Variants in PNOC observed in about 807,000 individuals in gnomAD.
PNOC encodes prepronociceptin.
In PNOC, 10 loss-of-function variants were observed where a neutral mutation model predicts 15.6. The observed-to-expected ratio is 0.64, with a 90% CI of 0.40 to 1.09. The LOEUF is 1.09. Among genes scored for constraint, PNOC ranks in the 50% least tolerant of loss-of-function variants. The pLI is 0.01. For missense variants in PNOC, 220 were observed against 223.9 expected (o/e 0.98, Z 0.11); for synonymous variants, 98 against 88.5 (o/e 1.11, Z -0.60).
At chr8:28,327,046 A>G in intron 1 of PNOC, among the ~76,000 whole-genome samples, 1 of 152,222 alleles carries the variant, frequency 6.6e-6, no homozygotes, top group East Asian at 1.9e-4. Flanking sequence ...TTGGTTTTCT[A>G]CACTGAACTC....
Position 28,330,192 on chromosome 8 carries a change from C to T in PNOC, c.126+909C>T, listed in dbSNP as rs1000514750. Among the ~76,000 whole-genome samples, 33 of 151,828 alleles carry T rather than the reference C, an allele frequency of 2.2e-4. 1 individual carries two copies. The highest frequency in any genetic ancestry group is 1.4e-3 in the Admixed American group (21 of 15,238). On this transcript the variant is annotated intron_variant, in intron 2 of 3. Coordinates refer to ENST00000301908, the MANE Select transcript of PNOC (RefSeq NM_006228.5). ...AACCCCTGACCTCAAGTGATCCACC[C>T]ACCTCATCCTCCCAAAGTGCTGGGA... is the stretch of plus-strand genomic sequence containing the variant.
chr8:28,327,695 T>C (rs1484851921), intron 1 of PNOC, among the ~76,000 whole-genome samples: 5 of 152,096 alleles, frequency 3.3e-5, no homozygotes, highest in Non-Finnish European at 5.9e-5. Flanking sequence ...TTTGTATTTT[T>C]AGTAGAGATG....
chr8:28,320,055 T>C (rs1384975130), intron 1 of PNOC, among the ~76,000 whole-genome samples: 1 of 146,166 alleles, frequency 6.8e-6, no homozygotes, highest in African/African-American at 2.5e-5. Context: ...CACGATCCTG[T>C]GGGGTTTTTT....
intron 1 of PNOC, 117 bp from the exon 2 acceptor site, chr8:28,329,018 C>A: frequency 9.7e-7 from 1 of 1,033,306 alleles, no homozygotes; most frequent in Non-Finnish European, 1.4e-6. Flanking sequence ...CCCCTAGTGC[C>A]ATCCTGCCAG....
chr8:28,332,905 C>T (rs893412951), intron 2 of PNOC, among the ~76,000 whole-genome samples: 5 of 152,326 alleles, frequency 3.3e-5, no homozygotes, highest in African/African-American at 1.2e-4. Context: ...GAGCTGAGAT[C>T]ATGCTACTGC....
At chr8:28,321,303 T>C (rs1801148823) in intron 1 of PNOC, among the ~76,000 whole-genome samples, 1 of 149,416 alleles carries the variant, frequency 6.7e-6, no homozygotes, top group Non-Finnish European at 1.5e-5. Flanking sequence ...GTTGCTGGGA[T>C]TGCAGTTGCA....
In PNOC at chr8:28,342,470, G is replaced by C. The variant is rs545133044; in HGVS notation, c.*48-472G>C. 1.1e-4 allele frequency among the ~76,000 whole-genome samples: 17 copies of C among 152,132 alleles called. No homozygotes were observed. The East Asian group carries it at 3.3e-3, about 29-fold the overall frequency. On this transcript the variant is annotated intron_variant, in intron 3 of 3. Transcript: ENST00000301908. ...ACAGAACTTGTCACAGCTGGTCTTAGGGTTCTGCCTTCCTTTCCCCTGACC... is the reference window on the plus strand; with the variant it reads ...ACAGAACTTGTCACAGCTGGTCTTACGGTTCTGCCTTCCTTTCCCCTGACC...
chr8:28,338,671 GGTGACAGTCATGA>G, intron 2 of PNOC: 1 of 1,011,338 alleles, frequency 9.9e-7, no homozygotes, highest in Non-Finnish European at 1.2e-6. Flanking sequence ...ATTCTTTATG[GGTGACAGTCATGA>G]GCTGTGCTTG....
intron 3 of PNOC, chr8:28,340,020 G>A (rs1038680608): frequency 5.9e-5 from 9 of 152,180 alleles, no homozygotes; most frequent in African/African-American, 1.9e-4. Flanking sequence ...CATTTTACCT[G>A]GACAAAGAGT....
At chr8:28,338,966 C>A in intron 2 of PNOC, 74 bp from the exon 3 acceptor site, 1 of 1,361,546 alleles carries the variant, frequency 7.3e-7, no homozygotes, top group Non-Finnish European at 1.0e-6. Flanking sequence ...TGCAGTGGGC[C>A]AGATCTCCTC....
chr8:28,327,808 G>A (rs946804586), intron 1 of PNOC, among the ~76,000 whole-genome samples: 2 of 151,714 alleles, frequency 1.3e-5, no homozygotes, highest in African/African-American at 4.8e-5. Flanking sequence ...GAGCCACTCT[G>A]CCCTGCCAAC....
chr8:28,319,915 C>G (rs1020135971), intron 1 of PNOC, among the ~76,000 whole-genome samples: 1 of 152,096 alleles, frequency 6.6e-6, no homozygotes, highest in Non-Finnish European at 1.5e-5. Flanking sequence ...TTAAATCCCA[C>G]AGTCGAACAT....
At chr8:28,323,608 T>A (rs1029572126) in intron 1 of PNOC, among the ~76,000 whole-genome samples, 1 of 152,372 alleles carries the variant, frequency 6.6e-6, no homozygotes, top group Admixed American at 6.5e-5. Flanking sequence ...TCAGGACTTG[T>A]CTGCAGTCAC....
chr8:28,334,757 G>C (rs1801385333), intron 2 of PNOC, among the ~76,000 whole-genome samples: 1 of 152,134 alleles, frequency 6.6e-6, no homozygotes, highest in Non-Finnish European at 1.5e-5. Flanking sequence ...GCCTCCTAAA[G>C]TACTGGGATT....
In PNOC at chr8:28,327,572, T is replaced by C. The variant is rs564014024; in HGVS notation, c.-23-1563T>C. 1.7e-4 allele frequency among the ~76,000 whole-genome samples: 25 copies of C among 148,574 alleles called. No individual in the cohort carries two copies. The East Asian group carries it at 4.7e-3, about 28-fold the overall frequency. On this transcript the variant is annotated intron_variant, in intron 1 of 3. Coordinates refer to ENST00000301908, the MANE Select transcript of PNOC (RefSeq NM_006228.5). ...TATAAACAACATAAAATTCTTTTCT[T>C]TTTTTTTTTTTTGAGATGGAGTCTT... is the stretch of plus-strand genomic sequence containing the variant.
chr8:28,323,849 T>C (rs573848228), intron 1 of PNOC, among the ~76,000 whole-genome samples: 4 of 152,376 alleles, frequency 2.6e-5, no homozygotes, highest in African/African-American at 9.6e-5. Context: ...TCTATAACGA[T>C]ATTTACATAA....
chr8:28,335,894 C>A (rs1333118766), intron 2 of PNOC, among the ~76,000 whole-genome samples: 1 of 151,096 alleles, frequency 6.6e-6, no homozygotes, highest in African/African-American at 2.4e-5. Context: ...ACCCTTTAGA[C>A]CAGGTGTGGG....
chr8:28,336,374 T>A (rs1032503712), intron 2 of PNOC, among the ~76,000 whole-genome samples: 6 of 152,216 alleles, frequency 3.9e-5, no homozygotes, highest in African/African-American at 1.4e-4. Context: ...GAGAGAGTGA[T>A]TCTTGCCAGG....
At chr8:28,319,420 C>A (rs1312479322) in intron 1 of PNOC, among the ~76,000 whole-genome samples, 1 of 152,086 alleles carries the variant, frequency 6.6e-6, no homozygotes, top group East Asian at 1.9e-4. Context: ...AGCATTTCCT[C>A]CAGGCATTCC....
Sources: allele counts gnomAD v4.1 joint callset (sites outside exome capture counted in the v4.1 genomes callset), GRCh38; gene constraint gnomAD v4.1.1; transcripts MANE v1.5; gene names NCBI Gene and HGNC (gene_info 2026-07-23, HGNC 2026-07-21).